REDIC1: variants seen among roughly 807,000 people sequenced by gnomAD.
REDIC1 encodes HEI10 Interacting Protein 1.
At chr12:39,822,445 A>G in the REDIC1 span, among the ~76,000 whole-genome samples, 1 of 152,296 alleles carries the variant, frequency 6.6e-6, no homozygotes, top group African/African-American at 2.4e-5. Context: ...CATCTGATCT[A>G]AACTCATATT....
chr12:39,658,881 A>G, the REDIC1 span, among the ~76,000 whole-genome samples: 4 of 151,972 alleles, frequency 2.6e-5, no homozygotes, highest in African/African-American at 4.8e-5. Context: ...ATATTCGTAC[A>G]TTTATTTATG....
At chr12:39,712,985 GTGTATATACGTGTATATGTATAT>G in the REDIC1 span, among the ~76,000 whole-genome samples, 3 of 4,154 alleles carry the variant, frequency 7.2e-4, no homozygotes, top group Non-Finnish European at 1.2e-3. Context: ...ATATATACAT[GTGTATATACGTGTATATGTATAT>G]ATACATGTGT....
At chr12:39,681,750 TTGCCAATATA>T in the REDIC1 span, among the ~76,000 whole-genome samples, 1 of 152,190 alleles carries the variant, frequency 6.6e-6, no homozygotes, top group East Asian at 1.9e-4. Context: ...TATCTCTCTA[TTGCCAATATA>T]TGGCCTAGTA....
the REDIC1 span, among the ~76,000 whole-genome samples, chr12:39,805,143 A>G: frequency 6.7e-6 from 1 of 149,802 alleles, no homozygotes; most frequent in East Asian, 2.0e-4. Context: ...AGGGCAGGCC[A>G]GGCCAGGCCA....
the REDIC1 span, among the ~76,000 whole-genome samples, chr12:39,700,485 G>T: frequency 6.6e-6 from 1 of 152,204 alleles, no homozygotes; most frequent in Non-Finnish European, 1.5e-5. Flanking sequence ...GTGATGGGGA[G>T]AATGGAACCA....
At chr12:39,900,211 A>G in the REDIC1 span, among the ~76,000 whole-genome samples, 1 of 152,166 alleles carries the variant, frequency 6.6e-6, no homozygotes, top group African/African-American at 2.4e-5. Flanking sequence ...AGAGCTATCT[A>G]TGACAACCCC....
At chr12:39,894,261 T>C in the REDIC1 span, among the ~76,000 whole-genome samples, 1 of 152,224 alleles carries the variant, frequency 6.6e-6, no homozygotes, top group Admixed American at 6.5e-5. Context: ...TGAGTTAAAG[T>C]TTTATTTGGC....
chr12:39,645,856 C>G, the REDIC1 span, among the ~76,000 whole-genome samples: 1 of 152,100 alleles, frequency 6.6e-6, no homozygotes, highest in Non-Finnish European at 1.5e-5. Flanking sequence ...CCAACTGCAG[C>G]CTCCTTAGTA....
the REDIC1 span, among the ~76,000 whole-genome samples, chr12:39,635,832 A>G: frequency 2.6e-5 from 4 of 152,158 alleles, no homozygotes; most frequent in South Asian, 6.2e-4. Context: ...GTTTTATGGT[A>G]TTTATAATAT....
chr12:39,763,440 T>C, the REDIC1 span, among the ~76,000 whole-genome samples: 1 of 152,256 alleles, frequency 6.6e-6, no homozygotes, highest in East Asian at 1.9e-4. Context: ...ATTTATTCAT[T>C]TGACAAACAC....
the REDIC1 span, among the ~76,000 whole-genome samples, chr12:39,828,120 C>T: frequency 3.3e-5 from 5 of 152,144 alleles, no homozygotes; most frequent in African/African-American, 9.7e-5. Flanking sequence ...TGTGGAAAAT[C>T]TATCTGAAGA....
chr12:39,891,346 C>G, the REDIC1 span, among the ~76,000 whole-genome samples: 3 of 151,722 alleles, frequency 2.0e-5, no homozygotes, highest in Non-Finnish European at 4.4e-5. Context: ...GAGGGACCCG[C>G]ACTGTTTCAC....
chr12:39,852,001 T>C, the REDIC1 span, among the ~76,000 whole-genome samples: 1 of 152,182 alleles, frequency 6.6e-6, no homozygotes, highest in African/African-American at 2.4e-5. Flanking sequence ...AACAATGCAA[T>C]GTTGGAAAAT....
At chr12:39,796,437 A>C in the REDIC1 span, among the ~76,000 whole-genome samples, 5 of 151,878 alleles carry the variant, frequency 3.3e-5, no homozygotes, top group South Asian at 2.1e-4. Flanking sequence ...AAAAAAAAAA[A>C]AAAAAACCTA....
the REDIC1 span, among the ~76,000 whole-genome samples, chr12:39,695,959 G>A: frequency 2.0e-5 from 3 of 152,100 alleles, no homozygotes; most frequent in Non-Finnish European, 4.4e-5. Flanking sequence ...GTCTCTGCTT[G>A]GTAATTCAGA....
the REDIC1 span, chr12:39,759,975 T>C: frequency 6.9e-7 from 1 of 1,444,214 alleles, no homozygotes; most frequent in Admixed American, 1.7e-5. Flanking sequence ...CCAATTGCTG[T>C]TCTTCTCCCC....
At chr12:39,858,746 A>T in the REDIC1 span, among the ~76,000 whole-genome samples, 3 of 152,098 alleles carry the variant, frequency 2.0e-5, no homozygotes, top group African/African-American at 7.2e-5. Context: ...AGCTGGGATT[A>T]TAGGAGCCTG....
At chr12:39,801,380 T>C in the REDIC1 span, among the ~76,000 whole-genome samples, 1 of 143,316 alleles carries the variant, frequency 7.0e-6, no homozygotes, top group Non-Finnish European at 1.5e-5. Context: ...GAAGTTGCTG[T>C]AGGTAGCAAA....
the REDIC1 span, among the ~76,000 whole-genome samples, chr12:39,820,757 ATATATATATATATATATAT>A: frequency 1.0e-4 from 1 of 9,606 alleles, no homozygotes; most frequent in Non-Finnish European, 1.6e-4. Flanking sequence ...ATATATATAT[ATATATATATATATATATAT>A]AAAGCAACAT....
Sources: gnomAD v4.1 joint callset for allele counts (sites outside exome capture counted in the v4.1 genomes callset) on GRCh38, gnomAD v4.1.1 for gene constraint, MANE v1.5 for transcripts, NCBI Gene and HGNC (gene_info 2026-07-23, HGNC 2026-07-21) for gene names.